The following GREB1 variants were observed in gnomAD, a reference collection of about 807,000 sequenced individuals.
GREB1 encodes the protein protein GREB1.
GREB1 carries 106 observed loss-of-function variants against 200.7 expected under a neutral mutation model. The ratio of observed to expected loss-of-function variants is 0.53; its 90% confidence interval spans 0.45 to 0.62. The LOEUF (loss-of-function observed/expected upper bound fraction) is 0.62, where lower values mean the gene tolerates loss of function less well. Among genes scored for constraint, GREB1 ranks in the 20% least tolerant of loss-of-function variants. The probability of loss-of-function intolerance (pLI) is 0.00; values close to 1 mark genes in which losing one functional copy is unlikely to be tolerated. For missense variants in GREB1, 2,243 were observed against 2,556.8 expected (o/e 0.88, Z 2.65); for synonymous variants, 1,132 against 1,092.4 (o/e 1.04, Z -0.72).
At position 11,618,728 on chromosome 2, in the gene GREB1, C is replaced by T; in HGVS notation, c.3853C>T (p.Pro1285Ser). Residue 1285 changes from proline (P) to serine (S), a missense_variant, in exon 22 of 33, where the codon CCC becomes TCC. Pro to Ser is a moderately conservative substitution (Grantham distance 74). Around this residue, in one of 3 missense-constraint regions of GREB1, gnomAD observed 587 missense variants for 553.1 expected, o/e 1.06. Coordinates refer to ENST00000381486, the MANE Select transcript of GREB1 (RefSeq NM_014668.4). ...CCTGCCCAAGGCCGCCTCCCTCCTG[C>T]CCTCCCCCTCGGTCATGTGGGCCAG... ...SGLPKAASLL[P>S]SPSVMWASSF... 6.2e-7 allele frequency: 1 copy of T among 1,613,474 alleles called. No homozygotes were observed. The highest frequency in any genetic ancestry group is 1.1e-5 in the South Asian group (1 of 91,014).
chr2:11,524,813 C>T (rs1673817868), intron 1 of GREB1, among the ~76,000 whole-genome samples: 1 of 152,202 alleles, frequency 6.6e-6, no homozygotes, highest in Non-Finnish European at 1.5e-5. Flanking sequence ...TAGCAGAGTA[C>T]CTGGCTAAAA....
At chr2:11,620,874 A>G in intron 22 of GREB1, 31 bp from the exon 23 acceptor site, 1 of 1,354,776 alleles carries the variant, frequency 7.4e-7, no homozygotes, top group Non-Finnish European at 1.1e-6. Flanking sequence ...GGGCTTCCTC[A>G]CTGGGGGTTT....
rs975183657 is a variant in GREB1, at chr2:11,602,632, G to T, written c.2666+90G>T. On this transcript the variant is annotated intron_variant, in intron 17 of 32. Coordinates refer to ENST00000381486, the MANE Select transcript of GREB1 (RefSeq NM_014668.4). ...TTAGCCAGCCAGGGAATTCCAGGAA[G>T]GGAGGCCTTTCCTTCCTGAGCAACT... The T allele has an allele frequency of 1.8e-5, 21 of 1,138,068 alleles. No homozygotes were observed. The East Asian group carries it at 5.0e-4, about 27-fold the overall frequency. 70.5% of individuals were successfully genotyped at this position (1,138,068 alleles called of 1,614,324 possible). A position where few individuals can be genotyped will look rare whatever the true frequency, so the allele number is the denominator to read the frequency against.
At position 11,556,738 on chromosome 2, in the gene GREB1, C is replaced by G. The variant is rs760228306; in HGVS notation, c.124C>G (p.Leu42Val). The G allele has an allele frequency of 3.1e-6, 5 of 1,614,122 alleles. No homozygotes were observed. The highest frequency in any genetic ancestry group is 2.5e-6 in the Non-Finnish European group (3 of 1,180,000). ...CAGGCCCATCTTTTCCCAGCTGTAC[C>G]TGGAAGCTGAGCAGCAGCTTGCCGC... ...VPRPIFSQLY[L>V]EAEQQLAALE... The change falls in exon 2 of 33, where the codon CTG (leucine) becomes GTG (valine). Residue 42 changes from leucine (L) to valine (V), a missense_variant. Around this residue, in one of 3 missense-constraint regions of GREB1, gnomAD observed 1,178 missense variants for 1,387.4 expected, o/e 0.85. Coordinates refer to ENST00000381486, the MANE Select transcript of GREB1 (RefSeq NM_014668.4).
At chr2:11,609,511 C>T (rs947090220) in intron 17 of GREB1, among the ~76,000 whole-genome samples, 2 of 152,084 alleles carry the variant, frequency 1.3e-5, no homozygotes, top group East Asian at 1.9e-4. Context: ...TCAGGCAATC[C>T]GTTTCCTGGG....
At chr2:11,623,804 G>A (rs780104481) in intron 23 of GREB1, among the ~76,000 whole-genome samples, 13 of 152,126 alleles carry the variant, frequency 8.5e-5, no homozygotes, top group Non-Finnish European at 1.5e-4. Flanking sequence ...CAGGAGAGTC[G>A]CTTGAACCCG....
At chr2:11,619,936 T>C (rs537482580) in intron 22 of GREB1, among the ~76,000 whole-genome samples, 1 of 152,358 alleles carries the variant, frequency 6.6e-6, no homozygotes, top group African/African-American at 2.4e-5. Context: ...AGCATTGGGC[T>C]CGGTGCTTGG....
intron 22 of GREB1, among the ~76,000 whole-genome samples, chr2:11,620,533 T>G (rs1172411389): frequency 6.6e-6 from 1 of 152,194 alleles, no homozygotes; most frequent in African/African-American, 2.4e-5. Context: ...TGCTGTCTTG[T>G]ACAGACATAA....
Position 11,585,171 on chromosome 2 carries a change from A to G in GREB1, c.912A>G (p.Ser304=), listed in dbSNP as rs759983723. ...LPRPSALGIL[S]NSGPPKKRHK... is the part of the protein sequence containing the mutation. Reference sequence around the variant, plus strand: ...CTGAATATTGTCTAGGTATCTTGTCAAACTCCGGGCCCCCCAAAAAACGCC... The same window carrying G: ...CTGAATATTGTCTAGGTATCTTGTCGAACTCCGGGCCCCCCAAAAAACGCC... The change falls in exon 8 of 33, where the codon TCA becomes TCG. Residue 304 remains serine (S), a synonymous_variant. Transcript: ENST00000381486. 10 of 1,565,870 alleles carry G rather than the reference A, an allele frequency of 6.4e-6. No homozygotes were observed. Among genetic ancestry groups the G allele is most frequent in the Admixed American group, 6.1e-5 (3 of 49,234 alleles).
intron 7 of GREB1, among the ~76,000 whole-genome samples, chr2:11,583,293 C>T (rs1161591851): frequency 6.6e-6 from 1 of 152,170 alleles, no homozygotes; most frequent in Non-Finnish European, 1.5e-5. Flanking sequence ...GCTGCTTAGC[C>T]TCTGTGGGGG....
intron 4 of GREB1, among the ~76,000 whole-genome samples, chr2:11,570,366 T>G (rs1678137182): frequency 6.6e-6 from 1 of 150,668 alleles, no homozygotes; most frequent in Admixed American, 6.6e-5. Flanking sequence ...TGAAGCCATT[T>G]CACTCCAGTC....
chr2:11,627,761 C>A (rs1430115132), intron 25 of GREB1, among the ~76,000 whole-genome samples: 1 of 152,206 alleles, frequency 6.6e-6, no homozygotes, highest in East Asian at 1.9e-4. Flanking sequence ...CGCCTGCAAG[C>A]CACCCAAGGT....
rs750801052 is a variant in GREB1 at position 11,625,248 on chromosome 2, T to A, written c.4242T>A (p.Ile1414=). The A allele has an allele frequency of 6.2e-7, 1 of 1,614,126 alleles. No individual in the cohort carries two copies. Among genetic ancestry groups the A allele is most frequent in the Non-Finnish European group, 8.5e-7 (1 of 1,179,982 alleles). ...AGAAGTTGCCCTTTGACTACATCAT[T>A]CACGACCCGAAGTATGAAGATGCCA... ...LFKKLPFDYI[I]HDPKYEDASL... Residue 1414 remains isoleucine (I), a synonymous_variant, in exon 24 of 33, where the codon ATT becomes ATA. Coordinates refer to ENST00000381486, the MANE Select transcript of GREB1 (RefSeq NM_014668.4).
At chr2:11,581,183 A>G in intron 7 of GREB1, 1 of 577,342 alleles carries the variant, frequency 1.7e-6, no homozygotes, top group South Asian at 2.3e-5. Flanking sequence ...CTGAATCAGA[A>G]AAATATGAAT....
intron 17 of GREB1, among the ~76,000 whole-genome samples, chr2:11,607,595 T>TATATACATATAGATAC (rs1553373777): frequency 2.1e-4 from 29 of 136,478 alleles, no homozygotes; most frequent in South Asian, 8.9e-4. Context: ...CATATATACA[T>TATATACATATAGATAC]ATATATACAT....
chr2:11,511,948 T>C (rs112282083), intron 1 of GREB1, among the ~76,000 whole-genome samples: 23 of 152,226 alleles, frequency 1.5e-4, no homozygotes, highest in African/African-American at 5.5e-4. Flanking sequence ...CCCTTTCCTC[T>C]GACTGTTACT....
At chr2:11,508,634 A>G (rs984120134) in intron 1 of GREB1, among the ~76,000 whole-genome samples, 1 of 152,160 alleles carries the variant, frequency 6.6e-6, no homozygotes, top group Non-Finnish European at 1.5e-5. Context: ...TGTAGTCTAC[A>G]CTTGTATTTA....
rs1255667435 is a variant in GREB1 at position 11,493,038 on chromosome 2, T to C, written c.-159+10657T>C. Reference sequence around the variant, plus strand: ...AAGGGCTGATGGCAGCTGCTGGCCTTGAGCAATTGTCCCAAGATGATTGAT... The same window carrying C: ...AAGGGCTGATGGCAGCTGCTGGCCTCGAGCAATTGTCCCAAGATGATTGAT... On this transcript the variant is annotated intron_variant, in intron 1 of 2. Transcript: ENST00000628795. The surrounding 1 kb of genome is among the most constrained non-coding windows in gnomAD (Gnocchi z 4.6). Among the ~76,000 whole-genome samples the C allele has an allele frequency of 6.6e-6, 1 of 152,244 alleles. No homozygotes were observed. Among genetic ancestry groups the C allele is most frequent in the East Asian group, 1.9e-4 (1 of 5,194 alleles).
intron 1 of GREB1, among the ~76,000 whole-genome samples, chr2:11,544,398 T>A (rs549742288): frequency 8.5e-5 from 13 of 152,052 alleles, no homozygotes; most frequent in East Asian, 3.9e-4. Context: ...TTGTATTTTT[T>A]GTAGAGGCAG....
Sources: allele counts gnomAD v4.1 joint callset (sites outside exome capture counted in the v4.1 genomes callset), GRCh38; gene constraint gnomAD v4.1.1; regional missense constraint gnomAD v4.1.1; non-coding constraint Gnocchi (gnomAD v3.1); transcripts MANE v1.5; gene names NCBI Gene and HGNC (gene_info 2026-07-23, HGNC 2026-07-21).